Variants in KIAA2012 observed in about 807,000 individuals in gnomAD.
KIAA2012 encodes KIAA2012.
In KIAA2012, 125 loss-of-function variants were observed where a neutral mutation model predicts 150.6. That is an observed-to-expected ratio of 0.83 (90% CI 0.72 to 0.96). KIAA2012 has a LOEUF of 0.96. Ranked by LOEUF, KIAA2012 falls within the 40% of genes least tolerant of loss-of-function variation. KIAA2012 has a pLI of 0.00. For missense variants in KIAA2012, 1,219 were observed against 1,354.9 expected (o/e 0.90, Z 1.57); for synonymous variants, 462 against 504.7 (o/e 0.92, Z 1.13).
chr2:202,184,898 T>G, intron 16 of KIAA2012, 55 bp downstream of exon 16: 1 of 1,440,460 alleles, frequency 6.9e-7, no homozygotes, highest in Non-Finnish European at 9.4e-7. Context: ...TTTGTTTGTA[T>G]TTTTAATTGG....
intron 15 of KIAA2012, among the ~76,000 whole-genome samples, chr2:202,166,175 G>A (rs998474279): frequency 6.6e-6 from 1 of 152,216 alleles, no homozygotes; most frequent in Non-Finnish European, 1.5e-5. Context: ...TGACGGAAGA[G>A]CAGGCACCAG....
In KIAA2012 at chr2:202,075,187, G is replaced by T. The variant is rs16838745; in HGVS notation, c.369+12G>T. 6.5e-7 allele frequency: 1 copy of T among 1,528,482 alleles called. No individual in the cohort carries two copies. Among genetic ancestry groups the T allele is most frequent in the South Asian group, 1.2e-5 (1 of 80,486 alleles). 94.7% of individuals were successfully genotyped at this position (1,528,482 alleles called of 1,614,324 possible). ...ATGGAAGGCAGCAGGTAGGCAGAAC[G>T]CTCCCTTGGGTTTGGGGAAGGTGCT... On this transcript the variant is annotated intron_variant, in intron 2 of 23. Coordinates refer to ENST00000498697, the MANE Select transcript of KIAA2012 (RefSeq NM_001277372.4).
chr2:202,129,041 G>C (rs2105938699), intron 12 of KIAA2012, among the ~76,000 whole-genome samples: 1 of 152,136 alleles, frequency 6.6e-6, no homozygotes, highest in Non-Finnish European at 1.5e-5. Flanking sequence ...CAGGGTCGCG[G>C]TGGCAGAGGT....
chr2:202,097,358 G>A, intron 4 of KIAA2012, 77 bp from the exon 5 acceptor site: 5 of 1,533,098 alleles, frequency 3.3e-6, no homozygotes, highest in Non-Finnish European at 4.4e-6. Context: ...GAAGCAAGAA[G>A]GGAGGCAGTT....
chr2:202,113,841 T>C (rs969637679), intron 11 of KIAA2012: 5 of 165,590 alleles, frequency 3.0e-5, no homozygotes, highest in African/African-American at 1.2e-4. Flanking sequence ...ATCCTTGTTA[T>C]GTACATTGGT....
intron 14 of KIAA2012, among the ~76,000 whole-genome samples, chr2:202,162,933 A>AG (rs1691687397): frequency 6.6e-6 from 1 of 150,498 alleles, no homozygotes; most frequent in Admixed American, 6.6e-5. Context: ...CGTCTCAAAA[A>AG]AAAAAAAAAA....
rs367999055 is a variant in KIAA2012, at chr2:202,179,687, T to C, written c.2120-5066T>C. The C allele has an allele frequency of 6.8e-5, 45 of 661,662 alleles. No individual in the cohort carries two copies. The East Asian group carries it at 1.1e-3, about 16-fold the overall frequency. The allele number at this position is 661,662 out of a possible 1,614,324, so 41.0% of individuals were successfully genotyped here. ...TCAGGTGGTGTTTGTCCATTTGGAG[T>C]TTCTTTACTTGTTTGTGGTTGGAAT... On this transcript the variant is annotated intron_variant, in intron 15 of 23. Transcript: ENST00000498697.
At chr2:202,148,022 G>C (rs1310871789) in intron 13 of KIAA2012, among the ~76,000 whole-genome samples, 1 of 152,168 alleles carries the variant, frequency 6.6e-6, no homozygotes, top group Non-Finnish European at 1.5e-5. Flanking sequence ...TCCAGCTCCT[G>C]CTGAGCCAGA....
At chr2:202,124,639 T>C (rs969276839) in intron 11 of KIAA2012, among the ~76,000 whole-genome samples, 4 of 152,234 alleles carry the variant, frequency 2.6e-5, no homozygotes, top group Non-Finnish European at 5.9e-5. Flanking sequence ...TCAAAAGTTC[T>C]TCTTACAGAA....
At chr2:202,202,726 G>A (rs1295312361) in intron 23 of KIAA2012, 139 bp downstream of exon 23, 1 of 386,276 alleles carries the variant, frequency 2.6e-6, no homozygotes, top group South Asian at 1.4e-4. Flanking sequence ...TCAGGAGTTT[G>A]AGACCATCCT....
Position 202,185,609 on chromosome 2 carries a change from C to T in KIAA2012, c.2210+766C>T, listed in dbSNP as rs527697078. Among the ~76,000 whole-genome samples, 25 of 152,254 alleles carry T rather than the reference C, an allele frequency of 1.6e-4. No individual in the cohort carries two copies. The South Asian group carries it at 4.1e-3, about 25-fold the overall frequency. ...GTATTTTAAATGCTTATGACAACCA[C>T]CTCCACCAAAAAACACAAAAATTTT... On this transcript the variant is annotated intron_variant, in intron 16 of 23. Transcript: ENST00000498697.
Position 202,073,599 on chromosome 2 carries a change from C to A in KIAA2012, c.-29C>A. ...CAGCCTTCAAAACCAAGATGGACTG[C>A]CCTTGAGAAGGGGTGGTCAGAGGGA... On this transcript the variant is annotated 5_prime_UTR_variant, in exon 1 of 24. The change creates a premature stop within an existing upstream ORF in the 5' untranslated region. Coordinates refer to ENST00000498697, the MANE Select transcript of KIAA2012 (RefSeq NM_001277372.4). The A allele has an allele frequency of 1.9e-6, 3 of 1,546,292 alleles. No individual in the cohort carries two copies. Among genetic ancestry groups the A allele is most frequent in the Non-Finnish European group, 2.6e-6 (3 of 1,144,108 alleles).
At chr2:202,088,046 A>G (rs987265781) in intron 2 of KIAA2012, among the ~76,000 whole-genome samples, 2 of 152,124 alleles carry the variant, frequency 1.3e-5, no homozygotes, top group South Asian at 2.1e-4. Flanking sequence ...TTTACATTGT[A>G]TTCAGTATTA....
chr2:202,096,942 G>A (rs2177083), intron 4 of KIAA2012, among the ~76,000 whole-genome samples: 77,349 of 151,916 alleles, frequency 0.51, 19,928 homozygotes, highest in African/African-American at 0.57. Flanking sequence ...CAGTGCATTC[G>A]GCAGAGGCTT....
chr2:202,132,927 T>C (rs1690984975), intron 12 of KIAA2012, among the ~76,000 whole-genome samples: 1 of 135,596 alleles, frequency 7.4e-6, no homozygotes, highest in African/African-American at 2.8e-5. Context: ...AAACCCCGTC[T>C]CTACTAAAAA....
intron 16 of KIAA2012, 31 bp from the exon 17 acceptor site, chr2:202,186,902 G>T (rs563370422): frequency 1.3e-5 from 20 of 1,543,576 alleles, no homozygotes; most frequent in Non-Finnish European, 1.7e-5. Context: ...TTTTTCTTTA[G>T]TTTGGTCCTG....
intron 22 of KIAA2012, among the ~76,000 whole-genome samples, chr2:202,201,038 A>G (rs1478245134): frequency 6.6e-6 from 1 of 152,096 alleles, no homozygotes; most frequent in East Asian, 1.9e-4. Flanking sequence ...TAGGAAGATC[A>G]AGTTTCCCTC....
Position 202,103,082 on chromosome 2 carries a change from A to G in KIAA2012, c.1292A>G (p.Lys431Arg). The G allele has an allele frequency of 6.4e-7, 1 of 1,550,556 alleles. No homozygotes were observed. The highest frequency in any genetic ancestry group is 8.7e-7 in the Non-Finnish European group (1 of 1,146,984). The change falls in exon 8 of 24, where the codon AAA becomes AGA. Residue 431 changes from lysine to arginine, a missense_variant. Lys to Arg is a conservative substitution (Grantham distance 26). Coordinates refer to ENST00000498697, the MANE Select transcript of KIAA2012 (RefSeq NM_001277372.4). Reference protein sequence around the residue: ...ILPVEIHYHTKQPPKEKAHRR... With the variant: ...ILPVEIHYHTRQPPKEKAHRR... ...CCGGTGGAGATTCATTACCACACCA[A>G]ACAACCCCCAAAAGAGAAAGCCCAC...
At chr2:202,125,837 C>G in intron 12 of KIAA2012, 1 of 450,282 alleles carries the variant, frequency 2.2e-6, no homozygotes, top group South Asian at 1.6e-5. Context: ...GACATGGCTG[C>G]TGCTGCTTCA....
Sources: allele counts gnomAD v4.1 joint callset (sites outside exome capture counted in the v4.1 genomes callset), GRCh38; gene constraint gnomAD v4.1.1; transcripts MANE v1.5; gene names NCBI Gene and HGNC (gene_info 2026-07-23, HGNC 2026-07-21).